The following CTCF variants were observed in gnomAD, a reference collection of about 807,000 sequenced individuals.
The protein encoded by CTCF is CCCTC-binding factor.
A neutral mutation model predicts 72.3 loss-of-function variants in CTCF; 7 were observed. That is an observed-to-expected ratio of 0.10 (90% confidence interval 0.06 to 0.18). CTCF has a LOEUF of 0.18. CTCF is among the 10% of genes least tolerant of loss of function. The pLI is 1.00. For missense variants in CTCF, 516 were observed against 949.1 expected (o/e 0.54, Z 6.00); for synonymous variants, 374 against 315.8 (o/e 1.18, Z -1.95).
At chr16:67,609,301 C>T (rs921227866) in intron 2 of CTCF, among the ~76,000 whole-genome samples, 6 of 152,166 alleles carry the variant, frequency 3.9e-5, no homozygotes, top group East Asian at 1.9e-4. Context: ...TTCAGGTATA[C>T]GTTATTATTA....
At chr16:67,612,924 T>A (rs964964868) in intron 4 of CTCF, among the ~76,000 whole-genome samples, 1 of 152,130 alleles carries the variant, frequency 6.6e-6, no homozygotes, top group Non-Finnish European at 1.5e-5. Flanking sequence ...GGCGACAGAG[T>A]GAGACTCCAT....
chr16:67,619,244 G>A (rs570384242), intron 5 of CTCF, among the ~76,000 whole-genome samples: 9 of 152,108 alleles, frequency 5.9e-5, no homozygotes, highest in South Asian at 2.1e-4. Context: ...GAGACCAGCC[G>A]GGCCAACGTG....
intron 3 of CTCF, among the ~76,000 whole-genome samples, 161 bp from the exon 4 acceptor site, chr16:67,611,790 C>T (rs1270108255): frequency 1.3e-5 from 2 of 151,746 alleles, no homozygotes; most frequent in African/African-American, 2.4e-5. Context: ...TTTTTTTAAT[C>T]CCAAAGAAGA....
chr16:67,605,244 A>T (rs1437071157), intron 2 of CTCF, among the ~76,000 whole-genome samples: 1 of 152,156 alleles, frequency 6.6e-6, no homozygotes, highest in African/African-American at 2.4e-5. Flanking sequence ...AAGTGCTGGG[A>T]TTACAGGCGT....
intron 4 of CTCF, among the ~76,000 whole-genome samples, chr16:67,613,695 G>C (rs1414898347): frequency 2.0e-5 from 3 of 151,958 alleles, no homozygotes; most frequent in African/African-American, 7.3e-5. Flanking sequence ...AGAATCACTT[G>C]AATGCGGGAG....
At chr16:67,575,554 C>T (rs1294658394) in intron 2 of CTCF, among the ~76,000 whole-genome samples, 2 of 152,186 alleles carry the variant, frequency 1.3e-5, no homozygotes, top group East Asian at 3.9e-4. Context: ...AACCGATTCT[C>T]CTGCCTCAGC....
chr16:67,622,131 T>G (rs992474444), intron 7 of CTCF, among the ~76,000 whole-genome samples: 2 of 151,866 alleles, frequency 1.3e-5, no homozygotes, highest in Non-Finnish European at 2.9e-5. Context: ...CCAACGCGGG[T>G]GGATCACGAG....
intron 10 of CTCF, among the ~76,000 whole-genome samples, chr16:67,633,185 T>TA (rs1256151818): frequency 3.9e-5 from 6 of 152,238 alleles, no homozygotes; most frequent in Non-Finnish European, 8.8e-5. Context: ...TTGCTATAAG[T>TA]AAAAGCTGTG....
chr16:67,608,323 CAA>C (rs1045162944), intron 2 of CTCF, among the ~76,000 whole-genome samples: 1 of 117,328 alleles, frequency 8.5e-6, no homozygotes. Context: ...GACTCCGTCT[CAA>C]AAAAAAAATT....
chr16:67,598,302 A>G (rs544104770), intron 2 of CTCF, among the ~76,000 whole-genome samples: 2 of 152,174 alleles, frequency 1.3e-5, no homozygotes, highest in Non-Finnish European at 2.9e-5. Context: ...TAATCTTCAA[A>G]TAGACCCTGC....
intron 1 of CTCF, among the ~76,000 whole-genome samples, chr16:67,565,568 G>T (rs1311843776): frequency 6.6e-6 from 1 of 151,714 alleles, no homozygotes; most frequent in Non-Finnish European, 1.5e-5. Context: ...GGCTACTAGG[G>T]AGGCTGAGAC....
rs1339819371 is a variant in CTCF, at chr16:67,631,169, T to G, written c.1837+1636T>G. ...TTCTTTGTTTGTTTTTTTTTTGTTT[T>G]TTGTTTTTTTTTTGAGACAGTGTCT... On this transcript the variant is annotated intron_variant, in intron 10 of 11. Coordinates refer to ENST00000264010, the MANE Select transcript of CTCF (RefSeq NM_006565.4). 1.5e-3 allele frequency among the ~76,000 whole-genome samples: 203 copies of G among 137,472 alleles called. 2 individuals carry two copies. Among genetic ancestry groups the G allele is most frequent in the Non-Finnish European group, 2.0e-3 (123 of 62,564 alleles). 90.2% of individuals were successfully genotyped at this position (137,472 alleles called of 152,430 possible).
At chr16:67,609,517 C>T (rs2052028088) in intron 2 of CTCF, among the ~76,000 whole-genome samples, 1 of 152,112 alleles carries the variant, frequency 6.6e-6, no homozygotes, top group African/African-American at 2.4e-5. Flanking sequence ...GAATCAGGAT[C>T]CAAAGAAGAT....
intron 10 of CTCF, 127 bp from the exon 11 acceptor site, chr16:67,636,563 G>T: frequency 3.5e-6 from 1 of 284,622 alleles, no homozygotes; most frequent in Non-Finnish European, 5.4e-6. Context: ...AAAAAAGAAA[G>T]AAAGTGTATA....
intron 10 of CTCF, among the ~76,000 whole-genome samples, chr16:67,631,910 CA>C (rs993935726): frequency 2.6e-5 from 4 of 151,112 alleles, no homozygotes; most frequent in Non-Finnish European, 5.9e-5. Context: ...CTGTTATCTA[CA>C]AAAAAATACA....
intron 11 of CTCF, 43 bp from the exon 12 acceptor site, chr16:67,637,645 G>A (rs375619166): frequency 1.7e-5 from 27 of 1,549,606 alleles, no homozygotes; most frequent in Non-Finnish European, 2.3e-5. Flanking sequence ...GATTCTTGGG[G>A]CTTTAATGGA....
At chr16:67,588,861 A>AT (rs61023594) in intron 2 of CTCF, among the ~76,000 whole-genome samples, 6,295 of 150,616 alleles carry the variant, frequency 0.042, 440 homozygotes, top group African/African-American at 0.14. Flanking sequence ...TAATTTTTGT[A>AT]TTTTTTTTTA....
chr16:67,576,666 G>T (rs1455131032), intron 2 of CTCF, among the ~76,000 whole-genome samples: 2 of 142,124 alleles, frequency 1.4e-5, no homozygotes, highest in Admixed American at 1.6e-4. Flanking sequence ...CCATTCTCTT[G>T]CCTCAGCCTC....
intron 10 of CTCF, among the ~76,000 whole-genome samples, chr16:67,632,074 C>CAAAA (rs556248338): frequency 2.1e-5 from 2 of 96,364 alleles, no homozygotes; most frequent in Admixed American, 1.2e-4. Flanking sequence ...ACCCTGTCTC[C>CAAAA]AAAAAAAAAA....
Sources: gnomAD v4.1 joint callset for allele counts (sites outside exome capture counted in the v4.1 genomes callset) on GRCh38, gnomAD v4.1.1 for gene constraint, MANE v1.5 for transcripts, NCBI Gene and HGNC (gene_info 2026-07-23, HGNC 2026-07-21) for gene names.